NKAIN1: variants seen among roughly 807,000 people sequenced by gnomAD.
The protein encoded by NKAIN1 is sodium/potassium-transporting ATPase subunit beta-1-interacting protein 1.
Under a neutral mutation model 31.6 loss-of-function variants are expected in NKAIN1, and 13 were observed. The ratio of observed to expected loss-of-function variants is 0.41; its 90% CI spans 0.27 to 0.65. The LOEUF is 0.65. Ranked by LOEUF, NKAIN1 falls within the 30% of genes least tolerant of loss-of-function variation. The pLI is 0.30. For missense variants in NKAIN1, 193 were observed against 262.2 expected, an observed-to-expected ratio of 0.74 and a Z score of 1.82; for synonymous variants, 104 against 109.0, an observed-to-expected ratio of 0.95 and a Z score of 0.28.
At chr1:31,219,534 C>G (rs1357044307) in intron 1 of NKAIN1, among the ~76,000 whole-genome samples, 2 of 152,210 alleles carry the variant, frequency 1.3e-5, no homozygotes, top group African/African-American at 4.8e-5. Context: ...GAGCATGTCC[C>G]CCTGATCCTG....
At position 31,186,394 on chromosome 1, in the gene NKAIN1, G is replaced by GTT. The variant is rs11303246; in HGVS notation, c.193-1069_193-1068dup. Among the ~76,000 whole-genome samples the GTT allele has an allele frequency of 3.2e-3, 309 of 97,276 alleles. 13 individuals carry two copies. In the East Asian group the frequency reaches 0.078, roughly 25 times the overall value. The allele number at this position is 97,276 out of a possible 152,430, so 63.8% of individuals were successfully genotyped here. On this transcript the variant is annotated intron_variant, in intron 2 of 6. Coordinates refer to ENST00000373736, the MANE Select transcript of NKAIN1 (RefSeq NM_024522.3). ...AAAAAAAAAGTCTTAATTCTTTTGTGTTTTTTTTTTTTTTTTTTTTTTTAA... is the reference window on the plus strand; with the variant it reads ...AAAAAAAAAGTCTTAATTCTTTTGTGTTTTTTTTTTTTTTTTTTTTTTTTTAA...
intron 1 of NKAIN1, among the ~76,000 whole-genome samples, chr1:31,195,728 C>A (rs1396628727): frequency 6.6e-6 from 1 of 151,618 alleles, no homozygotes; most frequent in Non-Finnish European, 1.5e-5. Flanking sequence ...TTGAGACCAG[C>A]CTGGGCAACA....
chr1:31,200,127 T>C (rs557534767), intron 1 of NKAIN1, among the ~76,000 whole-genome samples: 71 of 152,270 alleles, frequency 4.7e-4, no homozygotes, highest in African/African-American at 1.7e-3. Context: ...CCCTCTCTCC[T>C]GTCTTTCTTC....
At chr1:31,193,071 A>AT (rs1466966425) in intron 1 of NKAIN1, among the ~76,000 whole-genome samples, 3 of 145,960 alleles carry the variant, frequency 2.1e-5, no homozygotes, top group East Asian at 4.1e-4. Flanking sequence ...TTATTTTTTT[A>AT]TTTTTTTATT....
At chr1:31,200,993 T>A (rs531105975) in intron 1 of NKAIN1, among the ~76,000 whole-genome samples, 109 of 151,892 alleles carry the variant, frequency 7.2e-4, no homozygotes, top group Admixed American at 1.2e-3. Context: ...CCACCATGCC[T>A]GGCTAATTTT....
chr1:31,208,048 T>C (rs562550011), intron 1 of NKAIN1, among the ~76,000 whole-genome samples: 1 of 152,246 alleles, frequency 6.6e-6, no homozygotes, highest in African/African-American at 2.4e-5. Context: ...GCATCACCGC[T>C]GTGGCCTGAC....
rs940936215 is a variant in NKAIN1, at chr1:31,239,406, G to C, written c.54+88C>G. ...GGCACACGCACCAGACACACACACA[G>C]AGACACACGCAACCCCACCCGCACG... is the stretch of plus-strand genomic sequence containing the variant. On this transcript the variant is annotated intron_variant, in intron 1 of 6. Coordinates refer to ENST00000373736, the MANE Select transcript of NKAIN1 (RefSeq NM_024522.3). The surrounding 1 kb of genome is among the most constrained non-coding windows in gnomAD (Gnocchi z 4.8). 1.9e-6 allele frequency: 2 copies of C among 1,032,868 alleles called. No individual in the cohort carries two copies. The highest frequency in any genetic ancestry group is 1.7e-5 in the African/African-American group (1 of 59,090). The allele number at this position is 1,032,868 out of a possible 1,614,324, so 64.0% of individuals were successfully genotyped here. A position where few individuals can be genotyped will look rare whatever the true frequency, so the allele number is the denominator to read the frequency against.
intron 1 of NKAIN1, among the ~76,000 whole-genome samples, chr1:31,205,613 GTTTT>G (rs761138403): frequency 4.1e-5 from 4 of 96,524 alleles, no homozygotes; most frequent in Admixed American, 1.3e-4. Context: ...AGCCGGACAA[GTTTT>G]TTTTTTTTTT....
intron 1 of NKAIN1, among the ~76,000 whole-genome samples, chr1:31,200,247 C>T (rs776848890): frequency 6.6e-6 from 1 of 152,184 alleles, no homozygotes; most frequent in Non-Finnish European, 1.5e-5. Flanking sequence ...CAACATGATT[C>T]CGTTCGTGTA....
At chr1:31,232,438 G>T (rs1310358552) in intron 1 of NKAIN1, among the ~76,000 whole-genome samples, 924 of 67,624 alleles carry the variant, frequency 0.014, 5 homozygotes, top group Middle Eastern at 0.025. Flanking sequence ...GAGAGAGAGA[G>T]AGAGAGAGAG....
intron 1 of NKAIN1, among the ~76,000 whole-genome samples, chr1:31,194,325 T>C (rs555631369): frequency 6.6e-6 from 1 of 151,162 alleles, no homozygotes; most frequent in Non-Finnish European, 1.5e-5. Context: ...TTGATCTCTG[T>C]TCTCCCCTGA....
intron 1 of NKAIN1, among the ~76,000 whole-genome samples, chr1:31,216,592 G>A (rs758969387): frequency 1.3e-5 from 2 of 152,182 alleles, no homozygotes; most frequent in South Asian, 2.1e-4. Context: ...TAACAGACTC[G>A]CTGCCCTGCT....
chr1:31,187,898 G>A (rs1303508993), intron 2 of NKAIN1, 152 bp downstream of exon 2: 12 of 774,056 alleles, frequency 1.6e-5, no homozygotes, highest in Non-Finnish European at 2.4e-5. Context: ...AGAAGCATGG[G>A]GCTGTGCACA....
At chr1:31,232,471 A>AGAGAGAGAGAGAGAGG (rs1645661791) in intron 1 of NKAIN1, among the ~76,000 whole-genome samples, 1 of 112,084 alleles carries the variant, frequency 8.9e-6, no homozygotes, top group African/African-American at 3.6e-5. Context: ...AGAGAGAGAG[A>AGAGAGAGAGAGAGAGG]GTGGGGGAGG....
intron 1 of NKAIN1, among the ~76,000 whole-genome samples, chr1:31,232,012 G>A (rs1223651665): frequency 6.6e-6 from 1 of 151,334 alleles, no homozygotes; most frequent in Non-Finnish European, 1.5e-5. Flanking sequence ...TCAAGCTCCT[G>A]GGCAAAAGCA....
At chr1:31,200,029 A>ACACACG (rs1165836702) in intron 1 of NKAIN1, among the ~76,000 whole-genome samples, 1 of 151,488 alleles carries the variant, frequency 6.6e-6, no homozygotes, top group Non-Finnish European at 1.5e-5. Flanking sequence ...ACACACGCAC[A>ACACACG]CACACACACA....
chr1:31,209,708 T>C (rs1409198004), intron 1 of NKAIN1, among the ~76,000 whole-genome samples: 1 of 152,010 alleles, frequency 6.6e-6, no homozygotes, highest in Non-Finnish European at 1.5e-5. Context: ...TCCCAGCTAC[T>C]CCGGAGGCTG....
intron 1 of NKAIN1, among the ~76,000 whole-genome samples, chr1:31,230,430 C>T (rs1407375425): frequency 6.6e-6 from 1 of 152,208 alleles, no homozygotes; most frequent in Non-Finnish European, 1.5e-5. Flanking sequence ...AGTCCACCTC[C>T]TTGTCTCTGG....
intron 1 of NKAIN1, chr1:31,193,871 A>AACC (rs1275933872): frequency 6.6e-6 from 1 of 152,206 alleles, no homozygotes; most frequent in Non-Finnish European, 1.5e-5. Context: ...TGTAAATCAT[A>AACC]ACCGGCCTTG....
Sources: gnomAD v4.1 joint callset for allele counts (sites outside exome capture counted in the v4.1 genomes callset) on GRCh38, gnomAD v4.1.1 for gene constraint, Gnocchi (gnomAD v3.1) non-coding constraint, MANE v1.5 for transcripts, NCBI Gene and HGNC (gene_info 2026-07-23, HGNC 2026-07-21) for gene names.